Variants in PRR16 observed in about 807,000 individuals in gnomAD.
The protein encoded by PRR16 is protein Largen.
A neutral mutation model predicts 18.2 loss-of-function variants in PRR16; 6 were observed. The observed-to-expected ratio is 0.33, with a 90% CI of 0.18 to 0.65. PRR16 has a LOEUF of 0.65. Ranked by LOEUF, PRR16 falls within the 30% of genes least tolerant of loss-of-function variation. The pLI is 0.74. For missense variants in PRR16, 412 were observed against 376.6 expected (o/e 1.09, Z -0.78); for synonymous variants, 151 against 147.8 (o/e 1.02, Z -0.16).
chr5:120,776,399 A>G, the PRR16 span, among the ~76,000 whole-genome samples: 27 of 152,284 alleles, frequency 1.8e-4, no homozygotes, highest in African/African-American at 5.5e-4. Flanking sequence ...TATTTCTATA[A>G]CTGGATTAGA....
At chr5:120,526,620 A>G (rs995194778) in intron 1 of PRR16, among the ~76,000 whole-genome samples, 1 of 152,214 alleles carries the variant, frequency 6.6e-6, no homozygotes, top group South Asian at 2.1e-4. Flanking sequence ...GCTCTCTACC[A>G]GAGATTGGAA....
intron 1 of PRR16, among the ~76,000 whole-genome samples, chr5:120,540,627 T>C (rs1365911172): frequency 6.6e-6 from 1 of 152,196 alleles, no homozygotes; most frequent in Non-Finnish European, 1.5e-5. Context: ...TGACCAACTC[T>C]TTCCCATCCT....
the PRR16 span, among the ~76,000 whole-genome samples, chr5:120,753,484 T>C: frequency 2.6e-5 from 4 of 151,948 alleles, no homozygotes; most frequent in East Asian, 7.7e-4. Context: ...AATTTTTAGT[T>C]AAATAATGGA....
chr5:120,561,465 G>A (rs1315042973), intron 1 of PRR16, among the ~76,000 whole-genome samples: 1 of 151,940 alleles, frequency 6.6e-6, no homozygotes, highest in African/African-American at 2.4e-5. Context: ...TCATTTCATT[G>A]TGGTCAGAGA....
the PRR16 span, among the ~76,000 whole-genome samples, chr5:120,734,874 T>G: frequency 1.3e-5 from 2 of 152,220 alleles, no homozygotes; most frequent in Non-Finnish European, 2.9e-5. Context: ...GAAACAATGT[T>G]TACATTCAGC....
At chr5:120,705,194 T>C in the PRR16 span, among the ~76,000 whole-genome samples, 150 of 152,256 alleles carry the variant, frequency 9.9e-4, no homozygotes, top group Non-Finnish European at 1.8e-3. Flanking sequence ...TATGAGTAAT[T>C]CTAAAGTGAT....
intron 1 of PRR16, among the ~76,000 whole-genome samples, chr5:120,646,136 T>C (rs188662339): frequency 6.7e-6 from 1 of 148,594 alleles, no homozygotes; most frequent in African/African-American, 2.5e-5. Context: ...AAAAGTGGCA[T>C]GGGGTTTACA....
chr5:120,594,042 A>T lies in PRR16; in HGVS notation c.160-91912A>T, dbSNP rs149294769. Among the ~76,000 whole-genome samples the T allele has an allele frequency of 1.0e-3, 157 of 152,290 alleles. 2 individuals are homozygous for T. Among genetic ancestry groups the T allele is most frequent in the Middle Eastern group, 0.01 (3 of 294 alleles). On this transcript the variant is annotated intron_variant, in intron 1 of 1. Transcript: ENST00000407149. Reference sequence around the variant, plus strand: ...CACTTATGACAAACCCACAGCTAACATCATACTGACTGAGCAAAAGCTAGA... The same window carrying T: ...CACTTATGACAAACCCACAGCTAACTTCATACTGACTGAGCAAAAGCTAGA...
intron 1 of PRR16, among the ~76,000 whole-genome samples, chr5:120,491,161 C>T (rs1750024315): frequency 6.6e-6 from 1 of 152,052 alleles, no homozygotes; most frequent in Non-Finnish European, 1.5e-5. Flanking sequence ...CTGGGAGAAC[C>T]ACTACTCTCT....
chr5:120,580,654 A>T (rs1753242802), intron 1 of PRR16, among the ~76,000 whole-genome samples: 1 of 151,848 alleles, frequency 6.6e-6, no homozygotes, highest in Non-Finnish European at 1.5e-5. Flanking sequence ...ATGAGGTTTC[A>T]CTGTGTTAGC....
chr5:120,678,277 A>G (rs960332420), intron 1 of PRR16, among the ~76,000 whole-genome samples: 7 of 151,786 alleles, frequency 4.6e-5, no homozygotes, highest in African/African-American at 1.7e-4. Flanking sequence ...CCAATTCTAT[A>G]TTTTTCTCTG....
chr5:120,780,514 G>C, the PRR16 span, among the ~76,000 whole-genome samples: 2 of 151,904 alleles, frequency 1.3e-5, no homozygotes, highest in African/African-American at 2.4e-5. Flanking sequence ...AAACATTTTC[G>C]TTTTACATCA....
chr5:120,597,138 G>A (rs1370919723), intron 1 of PRR16, among the ~76,000 whole-genome samples: 1 of 151,384 alleles, frequency 6.6e-6, no homozygotes, highest in African/African-American at 2.4e-5. Flanking sequence ...TATTTTTACT[G>A]GATCATCTCT....
At chr5:120,678,064 C>T (rs1214400977) in intron 1 of PRR16, among the ~76,000 whole-genome samples, 1 of 152,024 alleles carries the variant, frequency 6.6e-6, no homozygotes, top group East Asian at 1.9e-4. Context: ...CGCCGGCCAC[C>T]ACGCCTGGCT....
chr5:120,564,626 G>C (rs752100326), intron 1 of PRR16, among the ~76,000 whole-genome samples: 1 of 147,226 alleles, frequency 6.8e-6, no homozygotes, highest in African/African-American at 2.7e-5. Flanking sequence ...AGCCACTATT[G>C]GGGGGTGGAA....
rs1320521191 is a variant in PRR16 at position 120,685,970 on chromosome 5, A to G, written c.176A>G (p.Asp59Gly). Residue 59 changes from aspartate to glycine, a missense_variant, in exon 2 of 2, where the codon GAC becomes GGC. Physicochemically the swap from Asp to Gly is moderately conservative, Grantham distance 94. Transcript: ENST00000407149. ...KELKEVVDQI[D>G]TLTSDLQLED... Reference sequence around the variant, plus strand: ...TTCCACTAGGTGGTTGACCAGATTGACACCCTGACCTCTGACCTACAGCTG... The same window carrying G: ...TTCCACTAGGTGGTTGACCAGATTGGCACCCTGACCTCTGACCTACAGCTG... 1 of 1,613,416 alleles carries G rather than the reference A, an allele frequency of 6.2e-7. No individual in the cohort carries two copies. The highest frequency in any genetic ancestry group is 8.5e-7 in the Non-Finnish European group (1 of 1,179,592).
chr5:120,736,290 C>T, the PRR16 span, among the ~76,000 whole-genome samples: 2 of 151,896 alleles, frequency 1.3e-5, no homozygotes, highest in African/African-American at 2.4e-5. Context: ...TTTTTTTATA[C>T]GAAAAAGTCT....
At chr5:120,786,168 CTGTT>C in the PRR16 span, among the ~76,000 whole-genome samples, 5 of 149,120 alleles carry the variant, frequency 3.4e-5, no homozygotes, top group African/African-American at 1.2e-4. Context: ...AAAATCTTGT[CTGTT>C]TGGTAATCTA....
intron 1 of PRR16, among the ~76,000 whole-genome samples, chr5:120,685,495 G>A (rs1297135134): frequency 2.6e-5 from 4 of 152,008 alleles, no homozygotes; most frequent in Non-Finnish European, 5.9e-5. Flanking sequence ...AGTTCATTTG[G>A]TTGCCTTGTG....
Sources: gnomAD v4.1 joint callset for allele counts (sites outside exome capture counted in the v4.1 genomes callset) on GRCh38, gnomAD v4.1.1 for gene constraint, MANE v1.5 for transcripts, NCBI Gene and HGNC (gene_info 2026-07-23, HGNC 2026-07-21) for gene names.